The following GLCE variants were observed in gnomAD, a reference collection of about 807,000 sequenced individuals.
The protein encoded by GLCE is glucuronic acid epimerase.
Under a neutral mutation model 47.9 loss-of-function variants are expected in GLCE, and 19 were observed. That is an observed-to-expected ratio of 0.40 (90% CI 0.28 to 0.58). The LOEUF is 0.58. Ranked by LOEUF, GLCE falls within the 20% of genes least tolerant of loss-of-function variation. GLCE has a pLI of 0.48. For missense variants in GLCE, 556 were observed against 743.3 expected (o/e 0.75, Z 2.93); for synonymous variants, 245 against 263.4 (o/e 0.93, Z 0.68).
At chr15:69,220,833 A>G (rs961542592) in intron 2 of GLCE, among the ~76,000 whole-genome samples, 1 of 152,164 alleles carries the variant, frequency 6.6e-6, no homozygotes. Context: ...TCTTTGAGTA[A>G]TATCCAGGAA....
At chr15:69,256,463 T>A (rs563992348) in intron 3 of GLCE, 71 bp downstream of exon 3, 1 of 1,021,918 alleles carries the variant, frequency 9.8e-7, no homozygotes, top group East Asian at 2.4e-5. Flanking sequence ...ATGTTGTTAA[T>A]TATACATCAA....
chr15:69,207,953 C>T (rs2052174963), intron 1 of GLCE, among the ~76,000 whole-genome samples: 1 of 151,850 alleles, frequency 6.6e-6, no homozygotes, highest in Admixed American at 6.6e-5. Flanking sequence ...GTTTTTTAAG[C>T]TATTCTAATC....
chr15:69,256,024 C>T lies in GLCE; in HGVS notation c.218C>T (p.Ser73Phe). The change falls in exon 3 of 5, where the codon TCT becomes TTT. Residue 73 changes from serine (S) to phenylalanine (F), a missense_variant. Ser to Phe is a radical substitution (Grantham distance 155, BLOSUM62 -2). Around this residue, in one of 3 missense-constraint regions of GLCE, gnomAD observed 237 missense variants for 310.9 expected, o/e 0.76. Coordinates refer to ENST00000261858, the MANE Select transcript of GLCE (RefSeq NM_015554.3). ...ATGAACCACGTGGCCAAACAACAGT[C>T]TGAGGAAGCATTCCCTCAGGAACAG... ...NYMNHVAKQQ[S>F]EEAFPQEQQK... 1 of 1,614,050 alleles carries T rather than the reference C, an allele frequency of 6.2e-7. No individual in the cohort carries two copies. The highest frequency in any genetic ancestry group is 8.5e-7 in the Non-Finnish European group (1 of 1,179,976).
chr15:69,261,052 G>T, intron 3 of GLCE, 35 bp from the exon 4 acceptor site: 2 of 1,589,090 alleles, frequency 1.3e-6, no homozygotes, highest in Non-Finnish European at 1.7e-6. Context: ...GTAATGTCTG[G>T]ATATGATTAT....
intron 1 of GLCE, among the ~76,000 whole-genome samples, chr15:69,185,496 A>T (rs757997494): frequency 6.6e-6 from 1 of 152,030 alleles, no homozygotes; most frequent in Admixed American, 6.6e-5. Flanking sequence ...TTCTAGCTCC[A>T]CTGCTTTCCA....
At chr15:69,228,852 A>G (rs1386724906) in intron 2 of GLCE, among the ~76,000 whole-genome samples, 1 of 151,996 alleles carries the variant, frequency 6.6e-6, no homozygotes, top group Non-Finnish European at 1.5e-5. Flanking sequence ...ACACCTAGCT[A>G]ATTTTCTTTA....
In GLCE at chr15:69,271,540, GT is replaced by G; in HGVS notation, c.*2300del. ...CTAAACAACTACAGAATTTTCTAGG[GT>G]TTTAAATTATGTAAAATGTTTACTT... On this transcript the variant is annotated 3_prime_UTR_variant, in exon 5 of 5. Transcript: ENST00000261858. The G allele has an allele frequency of 6.5e-6, 1 of 152,764 alleles. No homozygotes were observed. The highest frequency in any genetic ancestry group is 2.1e-4 in the South Asian group (1 of 4,830). The allele number at this position is 152,764 out of a possible 1,614,324, so 9.5% of individuals were successfully genotyped here. A position where few individuals can be genotyped will look rare whatever the true frequency, so the allele number is the denominator to read the frequency against.
At chr15:69,202,705 T>A (rs1225329980) in intron 1 of GLCE, among the ~76,000 whole-genome samples, 1 of 152,122 alleles carries the variant, frequency 6.6e-6, no homozygotes, top group Non-Finnish European at 1.5e-5. Flanking sequence ...ATCATAGAAC[T>A]TTTTATCAGA....
chr15:69,258,566 T>A (rs994990975), intron 3 of GLCE, among the ~76,000 whole-genome samples: 17 of 152,166 alleles, frequency 1.1e-4, no homozygotes, highest in Non-Finnish European at 1.5e-4. Context: ...GTTTTTTATG[T>A]TTTTTAATTA....
chr15:69,207,329 G>A (rs1389328041), intron 1 of GLCE, among the ~76,000 whole-genome samples: 1 of 151,930 alleles, frequency 6.6e-6, no homozygotes, highest in East Asian at 1.9e-4. Flanking sequence ...AATGCATAAC[G>A]TCATGTATAC....
In GLCE at chr15:69,272,057, C is replaced by G. The variant is rs2053173443; in HGVS notation, c.*2813C>G. Reference sequence around the variant, plus strand: ...CTGTACAGACTTTGCAGTTTAAGCACAATGTGCACATGTTAGTTTTATATA... The same window carrying G: ...CTGTACAGACTTTGCAGTTTAAGCAGAATGTGCACATGTTAGTTTTATATA... On this transcript the variant is annotated 3_prime_UTR_variant, in exon 5 of 5. Coordinates refer to ENST00000261858, the MANE Select transcript of GLCE (RefSeq NM_015554.3). The G allele has an allele frequency of 6.6e-6, 1 of 152,606 alleles. No homozygotes were observed. Among genetic ancestry groups the G allele is most frequent in the Non-Finnish European group, 1.5e-5 (1 of 68,032 alleles). The allele number at this position is 152,606 out of a possible 1,614,324, so 9.5% of individuals were successfully genotyped here. A position where few individuals can be genotyped will look rare whatever the true frequency, so the allele number is the denominator to read the frequency against.
intron 2 of GLCE, among the ~76,000 whole-genome samples, chr15:69,243,570 C>A (rs1221118136): frequency 4.1e-4 from 57 of 139,814 alleles, no homozygotes; most frequent in Non-Finnish European, 3.7e-4. Context: ...GCCCCCATCT[C>A]AAAAAAAAAA....
chr15:69,195,110 T>C (rs1264382441), intron 1 of GLCE, among the ~76,000 whole-genome samples: 1 of 151,892 alleles, frequency 6.6e-6, no homozygotes, highest in Non-Finnish European at 1.5e-5. Context: ...ATGTGGGAGG[T>C]GGGGGAGGAT....
intron 2 of GLCE, among the ~76,000 whole-genome samples, chr15:69,243,087 A>G (rs2052698029): frequency 6.6e-6 from 1 of 151,170 alleles, no homozygotes; most frequent in Non-Finnish European, 1.5e-5. Flanking sequence ...GAAAGAAAGA[A>G]ATGAAAAGAA....
chr15:69,244,902 T>G (rs2052725483), intron 2 of GLCE, among the ~76,000 whole-genome samples: 1 of 152,222 alleles, frequency 6.6e-6, no homozygotes, highest in Non-Finnish European at 1.5e-5. Context: ...TACTGCAGAT[T>G]CAGTTCCAGA....
intron 1 of GLCE, among the ~76,000 whole-genome samples, chr15:69,188,757 G>A (rs978712058): frequency 6.6e-6 from 1 of 152,012 alleles, no homozygotes; most frequent in African/African-American, 2.4e-5. Flanking sequence ...TCTCACTTGT[G>A]ATATTGGTAA....
At chr15:69,219,167 T>C (rs1394832422) in intron 2 of GLCE, among the ~76,000 whole-genome samples, 1 of 152,064 alleles carries the variant, frequency 6.6e-6, no homozygotes, top group East Asian at 1.9e-4. Flanking sequence ...ATTAGCAGTC[T>C]TATTGTATAC....
chr15:69,168,161 G>A (rs2051533354), intron 1 of GLCE, among the ~76,000 whole-genome samples: 3 of 152,194 alleles, frequency 2.0e-5, no homozygotes, highest in East Asian at 1.9e-4. Context: ...AGCCGGACAC[G>A]GTGATGCATG....
chr15:69,176,216 GTTTTTT>G (rs35017106), intron 1 of GLCE, among the ~76,000 whole-genome samples: 2 of 63,388 alleles, frequency 3.2e-5, no homozygotes, highest in Admixed American at 5.6e-4. Context: ...GTGGAACCTT[GTTTTTT>G]TTTTTTTTTT....
Sources: allele counts gnomAD v4.1 joint callset (sites outside exome capture counted in the v4.1 genomes callset), GRCh38; gene constraint gnomAD v4.1.1; regional missense constraint gnomAD v4.1.1; transcripts MANE v1.5; gene names NCBI Gene and HGNC (gene_info 2026-07-23, HGNC 2026-07-21).